Variants in PXDNL observed in about 807,000 individuals in gnomAD.
The protein encoded by PXDNL is probable oxidoreductase PXDNL.
A neutral mutation model predicts 150.8 loss-of-function variants in PXDNL; 145 were observed. The ratio of observed to expected loss-of-function variants is 0.96; its 90% confidence interval spans 0.84 to 1.10. PXDNL has a LOEUF of 1.10. PXDNL is among the 50% of genes least tolerant of loss of function. The pLI is 0.00. For missense variants in PXDNL, 2,087 were observed against 1,873.9 expected (o/e 1.11, Z -2.10); for synonymous variants, 757 against 725.7 (o/e 1.04, Z -0.69).
chr8:51,361,558 T>G (rs1806737877), intron 19 of PXDNL, among the ~76,000 whole-genome samples: 1 of 152,208 alleles, frequency 6.6e-6, no homozygotes, highest in Admixed American at 6.5e-5. Flanking sequence ...TATCAGACTC[T>G]GGAAGCAGCA....
chr8:51,519,549 T>C (rs1811615031), intron 4 of PXDNL, among the ~76,000 whole-genome samples: 4 of 150,986 alleles, frequency 2.6e-5, no homozygotes, highest in African/African-American at 4.9e-5. Context: ...AAACAAAGCT[T>C]CCTGAAGAAA....
At chr8:51,374,261 G>A (rs919753754) in intron 18 of PXDNL, among the ~76,000 whole-genome samples, 1 of 152,156 alleles carries the variant, frequency 6.6e-6, no homozygotes, top group Non-Finnish European at 1.5e-5. Flanking sequence ...TGAGGAACCT[G>A]GTTCTGAGTG....
chr8:51,636,636 A>G (rs546575951), intron 2 of PXDNL, among the ~76,000 whole-genome samples: 4 of 152,326 alleles, frequency 2.6e-5, no homozygotes, highest in South Asian at 2.1e-4. Flanking sequence ...TAATCAAAGT[A>G]AACATTTATA....
chr8:51,556,819 A>T (rs1390693242), intron 4 of PXDNL, 21 bp downstream of exon 4: 1 of 1,350,934 alleles, frequency 7.4e-7, no homozygotes, highest in Admixed American at 1.7e-5. Flanking sequence ...GTGATTTAAT[A>T]AAAAAGTTTC....
At chr8:51,390,583 G>A (rs1362357346) in intron 17 of PXDNL, among the ~76,000 whole-genome samples, 1 of 151,982 alleles carries the variant, frequency 6.6e-6, no homozygotes, top group African/African-American at 2.4e-5. Context: ...CATGATAACA[G>A]TTATGGCTCT....
At chr8:51,746,780 G>A (rs1000882955) in intron 1 of PXDNL, among the ~76,000 whole-genome samples, 1 of 152,206 alleles carries the variant, frequency 6.6e-6, no homozygotes, top group African/African-American at 2.4e-5. Context: ...GGAGTGCAGT[G>A]GTGTGATCAC....
At chr8:51,325,703 C>T (rs543843921) in intron 21 of PXDNL, among the ~76,000 whole-genome samples, 55 of 152,288 alleles carry the variant, frequency 3.6e-4, no homozygotes, top group African/African-American at 9.9e-4. Flanking sequence ...AGCCCAGGCT[C>T]CCCTTATGAC....
At chr8:51,584,859 G>A (rs73572306) in intron 3 of PXDNL, among the ~76,000 whole-genome samples, 7,774 of 152,176 alleles carry the variant, frequency 0.051, 465 homozygotes, top group African/African-American at 0.15. Flanking sequence ...TAGAAAAGAT[G>A]ACTAGTCGCC....
At chr8:51,727,753 T>C (rs1816841862) in intron 1 of PXDNL, among the ~76,000 whole-genome samples, 1 of 152,196 alleles carries the variant, frequency 6.6e-6, no homozygotes, top group African/African-American at 2.4e-5. Context: ...TATGCCTAAA[T>C]GAGGCAAACA....
chr8:51,659,830 C>G (rs935084913), intron 1 of PXDNL, among the ~76,000 whole-genome samples: 4 of 151,906 alleles, frequency 2.6e-5, no homozygotes, highest in African/African-American at 9.7e-5. Flanking sequence ...ATACAGTTAT[C>G]TATGACTGTC....
chr8:51,612,431 C>T (rs996061700), intron 2 of PXDNL, among the ~76,000 whole-genome samples: 1 of 152,220 alleles, frequency 6.6e-6, no homozygotes, highest in African/African-American at 2.4e-5. Context: ...GCAACTCTCT[C>T]TGCATCTCTG....
chr8:51,368,058 G>A (rs1041718666), intron 19 of PXDNL, among the ~76,000 whole-genome samples: 1 of 152,140 alleles, frequency 6.6e-6, no homozygotes, highest in Non-Finnish European at 1.5e-5. Flanking sequence ...AACCCGGGAG[G>A]GAGAGGTTGC....
At chr8:51,342,672 G>A (rs781719659) in intron 20 of PXDNL, among the ~76,000 whole-genome samples, 72 of 152,250 alleles carry the variant, frequency 4.7e-4, no homozygotes, top group Admixed American at 2.6e-3. Context: ...AGAATCCCAC[G>A]TCAGGTCCAT....
chr8:51,585,160 G>A (rs1813296202), intron 3 of PXDNL, among the ~76,000 whole-genome samples: 1 of 152,166 alleles, frequency 6.6e-6, no homozygotes, highest in African/African-American at 2.4e-5. Flanking sequence ...GAGTGCGTTT[G>A]AAGGGAGAAA....
At chr8:51,576,198 C>CAAAAAAAAAAAAA (rs35166901) in intron 3 of PXDNL, among the ~76,000 whole-genome samples, 1 of 109,354 alleles carries the variant, frequency 9.1e-6, no homozygotes, top group African/African-American at 3.0e-5. Context: ...AACACTGCTC[C>CAAAAAAAAAAAAA]AAAAAAAAAA....
chr8:51,790,635 C>T (rs932998910), intron 1 of PXDNL, among the ~76,000 whole-genome samples: 1 of 151,948 alleles, frequency 6.6e-6, no homozygotes, highest in Non-Finnish European at 1.5e-5. Flanking sequence ...ATGCCGGAGT[C>T]GCAGCTCTCT....
At chr8:51,328,219 G>C (rs1452407511) in intron 21 of PXDNL, among the ~76,000 whole-genome samples, 1 of 152,224 alleles carries the variant, frequency 6.6e-6, no homozygotes, top group Non-Finnish European at 1.5e-5. Context: ...ATTTTGGACT[G>C]TCCAGCCTCC....
intron 1 of PXDNL, among the ~76,000 whole-genome samples, chr8:51,690,925 G>C (rs1178365479): frequency 1.3e-5 from 2 of 152,106 alleles, no homozygotes; most frequent in South Asian, 2.1e-4. Context: ...GGCCAGTGAT[G>C]ATGAGCATTT....
intron 8 of PXDNL, among the ~76,000 whole-genome samples, chr8:51,465,475 T>C (rs1810185010): frequency 6.6e-6 from 1 of 152,138 alleles, no homozygotes; most frequent in African/African-American, 2.4e-5. Flanking sequence ...GCTGGAAGCA[T>C]TCCCCTTGAG....
Sources: gnomAD v4.1 joint callset for allele counts (sites outside exome capture counted in the v4.1 genomes callset) on GRCh38, gnomAD v4.1.1 for gene constraint, MANE v1.5 for transcripts, NCBI Gene and HGNC (gene_info 2026-07-23, HGNC 2026-07-21) for gene names.